Variants in ZNF41 observed in about 807,000 individuals in gnomAD.
The protein encoded by ZNF41 is zinc finger protein 41.
ZNF41 carries 6 observed loss-of-function variants against 9.3 expected under a neutral mutation model. The observed-to-expected ratio is 0.65, with a 90% CI of 0.35 to 1.28. ZNF41 has a LOEUF of 1.28. ZNF41 is among the 50% of genes most tolerant of loss of function. The pLI is 0.03. For missense variants in ZNF41, 523 were observed against 585.8 expected (o/e 0.89, Z 1.11); for synonymous variants, 192 against 207.1 (o/e 0.93, Z 0.63).
intron 1 of ZNF41, among the ~76,000 whole-genome samples, chrX:47,481,140 T>C (rs779364775): frequency 8.9e-6 from 1 of 111,877 alleles, no homozygotes; most frequent in Non-Finnish European, 1.9e-5. Flanking sequence ...AGATGCTACA[T>C]ATCAAAACTT....
Position 47,455,946 on chromosome X carries a change from C to G in ZNF41, c.270G>C (p.Gly90=). 4 of 1,211,507 alleles carry G rather than the reference C, an allele frequency of 3.3e-6. No homozygotes were observed. Among genetic ancestry groups the G allele is most frequent in the Non-Finnish European group, 4.5e-6 (4 of 895,331 alleles). Reference sequence around the variant, plus strand: ...CTGAACAGCTCTGATGTGGGGCTTCCCCCTCCAGCATCCATGGCCCCTCTC... The same window carrying G: ...CTGAACAGCTCTGATGTGGGGCTTCGCCCTCCAGCATCCATGGCCCCTCTC... ...EQGEGPWMLE[G]EAPHQSCSGE... The change falls in exon 4 of 5, where the codon GGG becomes GGC. Residue 90 remains glycine, a synonymous_variant. Transcript: ENST00000684689.
At chrX:47,477,856 A>G (rs1047847480) in intron 1 of ZNF41, among the ~76,000 whole-genome samples, 1 of 112,794 alleles carries the variant, frequency 8.9e-6, no homozygotes, top group African/African-American at 3.2e-5. Context: ...TATCCACCCA[A>G]GAGAAATGAA....
At chrX:47,462,927 T>TCA (rs1306713416) in intron 2 of ZNF41, among the ~76,000 whole-genome samples, 2 of 91,154 alleles carry the variant, frequency 2.2e-5, no homozygotes, top group African/African-American at 7.5e-5. Context: ...TATATATATA[T>TCA]CACACACATA....
chrX:47,450,556 G>C (rs1166187848), intron 4 of ZNF41, among the ~76,000 whole-genome samples: 1 of 111,312 alleles, frequency 9.0e-6, no homozygotes, highest in Non-Finnish European at 1.9e-5. Context: ...TTATAACAAG[G>C]CGTGTAAAAG....
intron 1 of ZNF41, among the ~76,000 whole-genome samples, chrX:47,472,475 T>C (rs2057221846): frequency 1.1e-5 from 1 of 95,095 alleles, no homozygotes; most frequent in African/African-American, 3.9e-5. Context: ...AGTCTCACTC[T>C]GTCTCCAGCC....
intron 4 of ZNF41, among the ~76,000 whole-genome samples, chrX:47,449,835 G>A (rs955642293): frequency 1.8e-5 from 2 of 111,646 alleles, no homozygotes; most frequent in Non-Finnish European, 3.8e-5. Context: ...TAAATAAGTG[G>A]GAGAGATGGG....
chrX:47,452,718 GAGT>G (rs2056413805), intron 4 of ZNF41, among the ~76,000 whole-genome samples: 1 of 112,278 alleles, frequency 8.9e-6, no homozygotes, highest in South Asian at 3.7e-4. Flanking sequence ...TCAGCCACCT[GAGT>G]AACTGGATTA....
At chrX:47,457,435 G>A (rs1184706176) in intron 2 of ZNF41, among the ~76,000 whole-genome samples, 3 of 110,804 alleles carry the variant, frequency 2.7e-5, no homozygotes, top group Admixed American at 9.6e-5. Flanking sequence ...GATTGATCAC[G>A]AGGAATGTTT....
chrX:47,469,949 T>A (rs2147776826), intron 1 of ZNF41, among the ~76,000 whole-genome samples: 1 of 111,313 alleles, frequency 9.0e-6, no homozygotes, highest in South Asian at 3.7e-4. Context: ...AAATTACAAA[T>A]TTCCATGGGC....
At chrX:47,461,420 T>C (rs975013963) in intron 2 of ZNF41, among the ~76,000 whole-genome samples, 1 of 107,406 alleles carries the variant, frequency 9.3e-6, no homozygotes, top group Admixed American at 1.0e-4. Context: ...TTTTTTCCTT[T>C]GTTTTTTTGA....
Position 47,448,724 on chromosome X carries a change from T to C in ZNF41, c.1046A>G (p.His349Arg). The C allele has an allele frequency of 8.3e-7, 1 of 1,211,864 alleles. No homozygotes were observed. The highest frequency in any genetic ancestry group is 1.1e-6 in the Non-Finnish European group (1 of 895,576). ...GCATTTGTAGGGTTTCTGCCCGGTATGAATTTTTTGATGTGTAATGAGGTT... is the reference window on the plus strand; with the variant it reads ...GCATTTGTAGGGTTTCTGCCCGGTACGAATTTTTTGATGTGTAATGAGGTT... ...KSNLITHQKIHTGQKPYKCSE... is the reference protein window; with the variant it reads ...KSNLITHQKIRTGQKPYKCSE... Residue 349 changes from histidine to arginine, a missense_variant, in exon 5 of 5, where the codon CAT becomes CGT. Coordinates refer to ENST00000684689, the MANE Select transcript of ZNF41 (RefSeq NM_001324144.2).
chrX:47,455,782 T>C, intron 4 of ZNF41, 139 bp downstream of exon 4: 1 of 563,343 alleles, frequency 1.8e-6, no homozygotes, highest in Non-Finnish European at 3.0e-6. Flanking sequence ...AGGGCTATTG[T>C]CAACTATCTC....
At chrX:47,467,328 T>C (rs1338364575) in intron 2 of ZNF41, 82 bp downstream of exon 2, 6 of 1,167,422 alleles carry the variant, frequency 5.1e-6, no homozygotes, top group Non-Finnish European at 6.9e-6. Flanking sequence ...ACTCACCTGC[T>C]TCTGCCCTTA....
chrX:47,454,287 A>G (rs2056470272), intron 4 of ZNF41, among the ~76,000 whole-genome samples: 1 of 110,882 alleles, frequency 9.0e-6, no homozygotes, highest in African/African-American at 3.3e-5. Flanking sequence ...AAGAGGTATC[A>G]GGTAAATCAT....
At chrX:47,455,875 G>A (rs1332426336) in intron 4 of ZNF41, 46 bp downstream of exon 4, 1 of 1,120,275 alleles carries the variant, frequency 8.9e-7, no homozygotes, top group African/African-American at 1.8e-5. Context: ...TAGGGAAAGT[G>A]ATACTGACTT....
intron 2 of ZNF41, among the ~76,000 whole-genome samples, chrX:47,461,008 TA>T (rs760947706): frequency 9.0e-5 from 10 of 111,695 alleles, no homozygotes; most frequent in Non-Finnish European, 1.5e-4. Flanking sequence ...TAAAAAGGTT[TA>T]AAAACAGTGA....
At chrX:47,470,599 T>C (rs5953047) in intron 1 of ZNF41, among the ~76,000 whole-genome samples, 43,123 of 102,956 alleles carry the variant, frequency 0.42, 8,016 homozygotes, top group African/African-American at 0.67. Flanking sequence ...TGGTGGCAGG[T>C]GCCTGTAATC....
chrX:47,448,952 C>A lies in ZNF41; in HGVS notation c.818G>T (p.Cys273Phe). ...KIHPEEKLYV[C>F]TECVMGFTQK... is the part of the protein sequence containing the mutation. ...AGTGAAGCCCATTACACATTCAGTA[C>A]ACACATAAAGCTTCTCCTCAGGATG... Residue 273 changes from cysteine (C) to phenylalanine (F), a missense_variant, in exon 5 of 5, where the codon TGT (cysteine) becomes TTT (phenylalanine). Coordinates refer to ENST00000684689, the MANE Select transcript of ZNF41 (RefSeq NM_001324144.2). 8.3e-7 allele frequency: 1 copy of A among 1,211,460 alleles called. No individual in the cohort carries two copies. Among genetic ancestry groups the A allele is most frequent in the African/African-American group, 1.7e-5 (1 of 57,734 alleles).
Position 47,467,596 on chromosome X carries a change from A to T in ZNF41, c.-115T>A. On this transcript the variant is annotated 5_prime_UTR_variant, in exon 2 of 5. Transcript: ENST00000684689. ...CCGGAGCTGCTGGGGCGAGGCAAGC[A>T]GGGGTCAGAAGGAAGATCCTGCAGT... 1 of 894,445 alleles carries T rather than the reference A, an allele frequency of 1.1e-6. No individual in the cohort carries two copies. Among genetic ancestry groups the T allele is most frequent in the Admixed American group, 2.7e-5 (1 of 37,203 alleles). 73.7% of individuals were successfully genotyped at this position (894,445 alleles called of 1,213,427 possible). A position where few individuals can be genotyped will look rare whatever the true frequency, so the allele number is the denominator to read the frequency against.
Sources: allele counts gnomAD v4.1 joint callset (sites outside exome capture counted in the v4.1 genomes callset), GRCh38; gene constraint gnomAD v4.1.1; transcripts MANE v1.5; gene names NCBI Gene and HGNC (gene_info 2026-07-23, HGNC 2026-07-21).